Variants in SPOCK3 observed in about 807,000 individuals in gnomAD.
SPOCK3 encodes testican-3.
Under a neutral mutation model 56.6 loss-of-function variants are expected in SPOCK3, and 30 were observed. The ratio of observed to expected loss-of-function variants is 0.53; its 90% CI spans 0.40 to 0.72. The LOEUF (loss-of-function observed/expected upper bound fraction) is 0.72, where lower values mean the gene tolerates loss of function less well. Among genes scored for constraint, SPOCK3 ranks in the 30% least tolerant of loss-of-function variants. The pLI is 0.00. For missense variants in SPOCK3, 527 were observed against 530.0 expected (o/e 0.99, Z 0.06); for synonymous variants, 196 against 183.3 (o/e 1.07, Z -0.56).
intron 7 of SPOCK3, among the ~76,000 whole-genome samples, chr4:166,790,494 T>G (rs1212975120): frequency 6.6e-6 from 1 of 152,092 alleles, no homozygotes; most frequent in African/African-American, 2.4e-5. Flanking sequence ...TTCTAGCTGG[T>G]CTCTGACTCC....
At chr4:166,743,071 C>T (rs1208963902) in intron 8 of SPOCK3, among the ~76,000 whole-genome samples, 1 of 151,960 alleles carries the variant, frequency 6.6e-6, no homozygotes, top group East Asian at 1.9e-4. Flanking sequence ...ATCGATCCCC[C>T]TCGGATACTA....
At chr4:167,078,984 A>G (rs1278976734) in intron 2 of SPOCK3, among the ~76,000 whole-genome samples, 3 of 151,728 alleles carry the variant, frequency 2.0e-5, no homozygotes, top group Non-Finnish European at 4.4e-5. Flanking sequence ...CAGTTTTACA[A>G]TCACTGGAAA....
chr4:166,809,649 C>T (rs577728465), intron 6 of SPOCK3, among the ~76,000 whole-genome samples: 16 of 152,070 alleles, frequency 1.1e-4, no homozygotes, highest in African/African-American at 3.6e-4. Context: ...TTCATCAATA[C>T]GATAAAGCTA....
chr4:166,745,645 C>A (rs1176449890), intron 8 of SPOCK3, among the ~76,000 whole-genome samples: 1 of 152,098 alleles, frequency 6.6e-6, no homozygotes, highest in Non-Finnish European at 1.5e-5. Context: ...ACAATATTAA[C>A]CTTAAATGTA....
chr4:166,833,651 A>T lies in SPOCK3; in HGVS notation c.590-41362T>A, dbSNP rs145775578. Among the ~76,000 whole-genome samples, 88 of 152,212 alleles carry T rather than the reference A, an allele frequency of 5.8e-4. No individual in the cohort carries two copies. In the East Asian group the frequency reaches 0.012, roughly 21 times the overall value. On this transcript the variant is annotated intron_variant, in intron 6 of 10. Transcript: ENST00000357545. Reference sequence around the variant, plus strand: ...ATTCTATTTGCCCCACATATTCCCCATTCTTTTTTGCCTCTTTTTCTGCCT... The same window carrying T: ...ATTCTATTTGCCCCACATATTCCCCTTTCTTTTTTGCCTCTTTTTCTGCCT...
At chr4:167,100,086 C>CT (rs1201614893) in intron 2 of SPOCK3, among the ~76,000 whole-genome samples, 1 of 152,046 alleles carries the variant, frequency 6.6e-6, no homozygotes, top group Admixed American at 6.6e-5. Flanking sequence ...CATGTCTATC[C>CT]TTTTTAAAAG....
Position 166,912,663 on chromosome 4 carries a change from G to A in SPOCK3, c.431C>T (p.Pro144Leu). ...STCKQCPVVY[P>L]SPVCGSDGHT... ...ACCATCTGAACCACAAACAGGGCTG[G>A]GATAGACCACTGGGCACTGCTTGCA... Residue 144 changes from proline (P) to leucine (L), a missense_variant, in exon 5 of 11, where the codon CCC (proline) becomes CTC (leucine). Coordinates refer to ENST00000357545, the MANE Select transcript of SPOCK3 (RefSeq NM_001040159.2). 1 of 1,613,516 alleles carries A rather than the reference G, an allele frequency of 6.2e-7. No homozygotes were observed. The highest frequency in any genetic ancestry group is 1.1e-5 in the South Asian group (1 of 91,058).
At chr4:166,813,842 T>C (rs1744101118) in intron 6 of SPOCK3, among the ~76,000 whole-genome samples, 1 of 151,992 alleles carries the variant, frequency 6.6e-6, no homozygotes, top group Admixed American at 6.6e-5. Flanking sequence ...CTGATACTAA[T>C]TTGTTATAAC....
chr4:166,828,543 GT>G (rs1745711459), intron 6 of SPOCK3, among the ~76,000 whole-genome samples: 1 of 151,898 alleles, frequency 6.6e-6, no homozygotes. Flanking sequence ...TTGTCTCACA[GT>G]TTCATATTAC....
chr4:167,229,918 C>T (rs1267253925), intron 2 of SPOCK3, among the ~76,000 whole-genome samples: 1 of 151,946 alleles, frequency 6.6e-6, no homozygotes, highest in Admixed American at 6.6e-5. Context: ...TTCCTTAAAA[C>T]AAAAAGTTCA....
intron 4 of SPOCK3, among the ~76,000 whole-genome samples, chr4:166,931,026 A>G (rs1324027839): frequency 6.6e-6 from 1 of 152,052 alleles, no homozygotes; most frequent in Non-Finnish European, 1.5e-5. Context: ...TCTGTCGCCA[A>G]GCTGGAGTGC....
chr4:166,988,892 T>C, intron 4 of SPOCK3, among the ~76,000 whole-genome samples: 1 of 152,128 alleles, frequency 6.6e-6, no homozygotes. Flanking sequence ...ATTCTCAACC[T>C]AATCCTCTTC....
chr4:167,022,267 A>T (rs1257608013), intron 3 of SPOCK3, among the ~76,000 whole-genome samples: 2 of 152,078 alleles, frequency 1.3e-5, no homozygotes, highest in African/African-American at 4.8e-5. Context: ...ATAAATCTCT[A>T]GGATATTCAC....
chr4:166,968,735 G>T (rs754268055), intron 4 of SPOCK3, among the ~76,000 whole-genome samples: 3 of 152,100 alleles, frequency 2.0e-5, no homozygotes, highest in Admixed American at 6.5e-5. Flanking sequence ...GTGCACAGGG[G>T]AAATGTGGGG....
At chr4:166,766,497 T>C (rs927384374) in intron 7 of SPOCK3, among the ~76,000 whole-genome samples, 1 of 152,204 alleles carries the variant, frequency 6.6e-6, no homozygotes, top group Non-Finnish European at 1.5e-5. Flanking sequence ...CATTTAATGA[T>C]TTGCGTACGT....
chr4:166,954,481 T>C lies in SPOCK3; in HGVS notation c.351-41738A>G, dbSNP rs949537039. On this transcript the variant is annotated intron_variant, in intron 4 of 10. Transcript: ENST00000357545. ...TATCCCATTTAAGTTTATTTTTGTA[T>C]ATATTGAGAGATGAGCATCTAATTT... is the stretch of plus-strand genomic sequence containing the variant. Among the ~76,000 whole-genome samples the C allele has an allele frequency of 3.3e-5, 5 of 152,166 alleles. No homozygotes were observed. The South Asian group carries it at 8.3e-4, about 25-fold the overall frequency.
At chr4:167,020,437 T>TA (rs1225447099) in intron 3 of SPOCK3, among the ~76,000 whole-genome samples, 19 of 152,068 alleles carry the variant, frequency 1.2e-4, no homozygotes, top group Admixed American at 1.2e-3. Context: ...CATTTTGGCA[T>TA]ATTAAAAGAT....
chr4:166,911,568 G>A (rs1478506725), intron 5 of SPOCK3, among the ~76,000 whole-genome samples: 1 of 151,942 alleles, frequency 6.6e-6, no homozygotes, highest in Non-Finnish European at 1.5e-5. Context: ...ACAGAGTTTT[G>A]CTCTTATTGC....
chr4:166,754,009 G>T (rs1236511095), intron 8 of SPOCK3: 2 of 730,076 alleles, frequency 2.7e-6, no homozygotes, highest in Non-Finnish European at 3.4e-6. Flanking sequence ...TAAAAGGTAA[G>T]CTATTTTGAA....
Sources: gnomAD v4.1 joint callset for allele counts (sites outside exome capture counted in the v4.1 genomes callset) on GRCh38, gnomAD v4.1.1 for gene constraint, MANE v1.5 for transcripts, NCBI Gene and HGNC (gene_info 2026-07-23, HGNC 2026-07-21) for gene names.